ADAMTS9: variants seen among roughly 807,000 people sequenced by gnomAD.
The protein encoded by ADAMTS9 is A disintegrin and metalloproteinase with thrombospondin motifs 9.
A neutral mutation model predicts 257.1 loss-of-function variants in ADAMTS9; 107 were observed. That is an observed-to-expected ratio of 0.42 (90% CI 0.36 to 0.49). The LOEUF is 0.49. Among genes scored for constraint, ADAMTS9 ranks in the 20% least tolerant of loss-of-function variants. The pLI, the probability that ADAMTS9 is intolerant of heterozygous loss-of-function variation, is 0.03. For synonymous variants in ADAMTS9, 982 were observed against 880.9 expected (o/e 1.11, Z -2.03); for missense variants, 2,353 against 2,469.1 (o/e 0.95, Z 1.00).
chr3:64,601,323 CA>C (rs1406924686), intron 26 of ADAMTS9, among the ~76,000 whole-genome samples: 1 of 152,130 alleles, frequency 6.6e-6, no homozygotes, highest in Non-Finnish European at 1.5e-5. Flanking sequence ...AACTGAGGCT[CA>C]AAGAGGAGAA....
Position 64,687,747 on chromosome 3 carries a change from G to C in ADAMTS9, c.-90C>G, listed in dbSNP as rs1308845275. On this transcript the variant is annotated 5_prime_UTR_variant, in exon 1 of 40. Transcript: ENST00000498707. This position sits in a 1 kb window ranked among gnomAD's most constrained non-coding sequence, Gnocchi z 4.4. ...GGCGACGCGAGGCAGCGGCCGTGGAGAGCGCGCGGAGCCCGGCGCCCGCCG... is the reference window on the plus strand; with the variant it reads ...GGCGACGCGAGGCAGCGGCCGTGGACAGCGCGCGGAGCCCGGCGCCCGCCG... 4 of 1,037,994 alleles carry C rather than the reference G, an allele frequency of 3.9e-6. No homozygotes were observed. The highest frequency in any genetic ancestry group is 5.3e-6 in the Non-Finnish European group (4 of 755,788). The allele number at this position is 1,037,994 out of a possible 1,614,324, so 64.3% of individuals were successfully genotyped here.
intron 3 of ADAMTS9, among the ~76,000 whole-genome samples, chr3:64,668,307 T>C (rs915210121): frequency 2.0e-5 from 3 of 152,220 alleles, no homozygotes; most frequent in African/African-American, 7.2e-5. Flanking sequence ...AACCCCATTA[T>C]GCAAAATATT....
chr3:64,675,981 GAAGT>G (rs1701615851), intron 3 of ADAMTS9, among the ~76,000 whole-genome samples: 1 of 152,122 alleles, frequency 6.6e-6, no homozygotes, highest in Admixed American at 6.5e-5. Context: ...TCCCAATCAG[GAAGT>G]GATGGTACCT....
chr3:64,678,343 T>G (rs1304938264), intron 3 of ADAMTS9, among the ~76,000 whole-genome samples: 2 of 152,186 alleles, frequency 1.3e-5, no homozygotes, highest in Non-Finnish European at 2.9e-5. Flanking sequence ...ATGTAGAAAG[T>G]CAAGTCCACA....
chr3:64,595,017 G>A (rs2084338264), intron 27 of ADAMTS9, among the ~76,000 whole-genome samples: 1 of 152,068 alleles, frequency 6.6e-6, no homozygotes, highest in Admixed American at 6.6e-5. Context: ...TCGATCTCCT[G>A]AGCTCATGAT....
chr3:64,630,881 T>G (rs1411620870), intron 16 of ADAMTS9, among the ~76,000 whole-genome samples: 1 of 152,130 alleles, frequency 6.6e-6, no homozygotes. Flanking sequence ...ATATAAGGAA[T>G]AGATATGAAT....
chr3:64,544,583 C>T (rs1315185966), intron 32 of ADAMTS9, among the ~76,000 whole-genome samples: 2 of 152,148 alleles, frequency 1.3e-5, no homozygotes, highest in African/African-American at 4.8e-5. Flanking sequence ...GAAACTGGAT[C>T]CCTTCCTTAT....
At chr3:64,567,201 G>T (rs988636856) in intron 29 of ADAMTS9, among the ~76,000 whole-genome samples, 1 of 152,044 alleles carries the variant, frequency 6.6e-6, no homozygotes, top group East Asian at 1.9e-4. Context: ...GAGGATTCTC[G>T]AATCCTCCCC....
At chr3:64,646,606 A>T (rs748536796) in intron 11 of ADAMTS9, among the ~76,000 whole-genome samples, 1 of 152,248 alleles carries the variant, frequency 6.6e-6, no homozygotes, top group Non-Finnish European at 1.5e-5. Context: ...CCATAGAGAA[A>T]TGAGAACATG....
intron 28 of ADAMTS9, among the ~76,000 whole-genome samples, chr3:64,577,892 T>C (rs149385924): frequency 6.6e-6 from 1 of 152,350 alleles, no homozygotes; most frequent in East Asian, 1.9e-4. Flanking sequence ...ACACAGTTAA[T>C]TCAGTTGCTT....
At chr3:64,615,092 T>G (rs1266525427) in intron 21 of ADAMTS9, 4 of 453,336 alleles carry the variant, frequency 8.8e-6, no homozygotes, top group African/African-American at 4.1e-5. Context: ...GCTACAACAG[T>G]GAGTGATCTA....
intron 12 of ADAMTS9, among the ~76,000 whole-genome samples, chr3:64,641,477 C>A (rs1417291634): frequency 1.7e-5 from 2 of 117,194 alleles, no homozygotes; most frequent in Non-Finnish European, 3.4e-5. Flanking sequence ...CCCCGCCCCC[C>A]ACCCCACAAC....
chr3:64,672,812 C>A (rs1701526162), intron 3 of ADAMTS9, among the ~76,000 whole-genome samples: 1 of 152,192 alleles, frequency 6.6e-6, no homozygotes, highest in South Asian at 2.1e-4. Context: ...CTTCAAAACA[C>A]AGGTGAGGGA....
chr3:64,564,436 T>C lies in ADAMTS9; in HGVS notation c.4525-2685A>G, dbSNP rs2083489093. The stretch of plus-strand genomic sequence containing the variant: ...AGGATTACTGCTGAAATTATGGTGA[T>C]GACATTAAAGCAGCGATTAGTTTGA... On this transcript the variant is annotated intron_variant, in intron 29 of 39. Transcript: ENST00000498707. Among the ~76,000 whole-genome samples the C allele has an allele frequency of 2.6e-5, 4 of 152,194 alleles. No individual in the cohort carries two copies. In the South Asian group the frequency reaches 6.2e-4, roughly 24 times the overall value.
intron 38 of ADAMTS9, among the ~76,000 whole-genome samples, chr3:64,532,681 T>C (rs2082997798): frequency 6.6e-6 from 1 of 152,160 alleles, no homozygotes; most frequent in African/African-American, 2.4e-5. Context: ...TTTTAGAGGG[T>C]GAAAAACTTA....
At chr3:64,645,055 G>T (rs1295322342) in intron 11 of ADAMTS9, among the ~76,000 whole-genome samples, 1 of 152,176 alleles carries the variant, frequency 6.6e-6, no homozygotes, top group African/African-American at 2.4e-5. Flanking sequence ...TGGGAAGGGG[G>T]TCTGTTTGGG....
In ADAMTS9 at chr3:64,596,926, G is replaced by A. The variant is rs1357781962; in HGVS notation, c.4083C>T (p.Tyr1361=). 8 of 1,613,816 alleles carry A rather than the reference G, an allele frequency of 5.0e-6. No individual in the cohort carries two copies. The highest frequency in any genetic ancestry group is 1.6e-4 in the Middle Eastern group (1 of 6,084). The change falls in exon 27 of 40, where the codon TAC becomes TAT. Residue 1361 remains tyrosine (Y), a synonymous_variant. Transcript: ENST00000498707. Reference sequence around the variant, plus strand: ...TTCTCTCCACACAGTCGTTTGCGGTGTATCCATTTTCATCCTGACATACAA... The same window carrying A: ...TTCTCTCCACACAGTCGTTTGCGGTATATCCATTTTCATCCTGACATACAA... ...RVVVCQDENG[Y]TANDCVERIK... is the part of the protein sequence containing the mutation.
At chr3:64,581,134 G>T (rs937089418) in intron 28 of ADAMTS9, among the ~76,000 whole-genome samples, 1 of 152,160 alleles carries the variant, frequency 6.6e-6, no homozygotes, top group African/African-American at 2.4e-5. Flanking sequence ...GCTCACATCA[G>T]ATGTTTAATA....
chr3:64,630,440 C>T (rs1486081199), intron 16 of ADAMTS9, among the ~76,000 whole-genome samples: 2 of 152,122 alleles, frequency 1.3e-5, no homozygotes, highest in African/African-American at 4.8e-5. Context: ...ACTAGCTGTG[C>T]ATAGTGGTGA....
Sources: allele counts gnomAD v4.1 joint callset (sites outside exome capture counted in the v4.1 genomes callset), GRCh38; gene constraint gnomAD v4.1.1; non-coding constraint Gnocchi (gnomAD v3.1); transcripts MANE v1.5; gene names NCBI Gene and HGNC (gene_info 2026-07-23, HGNC 2026-07-21).